The following DLG2 variants were observed in gnomAD, a reference collection of about 807,000 sequenced individuals.
DLG2 encodes the protein discs large MAGUK scaffold protein 2.
DLG2 carries 45 observed loss-of-function variants against 132.5 expected under a neutral mutation model. The observed-to-expected ratio is 0.34, with a 90% CI of 0.27 to 0.44. The LOEUF (loss-of-function observed/expected upper bound fraction) is 0.44, where lower values mean the gene tolerates loss of function less well. Among genes scored for constraint, DLG2 ranks in the 20% least tolerant of loss-of-function variants. DLG2 has a pLI of 1.00. For missense variants in DLG2, 1,045 were observed against 1,196.9 expected (o/e 0.87, Z 1.87); for synonymous variants, 424 against 419.6 (o/e 1.01, Z -0.13).
At chr11:85,553,938 G>T (rs920489740) in intron 3 of DLG2, among the ~76,000 whole-genome samples, 11 of 151,034 alleles carry the variant, frequency 7.3e-5, no homozygotes, top group Admixed American at 2.0e-4. Flanking sequence ...ATTTTATATG[G>T]ATATACAGAA....
chr11:84,000,824 C>G (rs543118032), intron 11 of DLG2, among the ~76,000 whole-genome samples: 1 of 152,180 alleles, frequency 6.6e-6, no homozygotes, highest in East Asian at 1.9e-4. Context: ...AGAAATTCAA[C>G]ACCACTAGAC....
At chr11:85,352,181 T>C (rs2083342692) in intron 3 of DLG2, among the ~76,000 whole-genome samples, 1 of 152,256 alleles carries the variant, frequency 6.6e-6, no homozygotes, top group African/African-American at 2.4e-5. Flanking sequence ...TTCTAGATTT[T>C]CTAGTTTATT....
intron 6 of DLG2, among the ~76,000 whole-genome samples, chr11:84,646,461 T>A (rs1390820423): frequency 6.6e-6 from 1 of 152,092 alleles, no homozygotes; most frequent in Admixed American, 6.5e-5. Flanking sequence ...TTTAATTCTT[T>A]GGCATTTACT....
intron 17 of DLG2, among the ~76,000 whole-genome samples, chr11:83,806,860 C>T (rs911481782): frequency 3.3e-5 from 5 of 152,118 alleles, no homozygotes; most frequent in African/African-American, 9.7e-5. Flanking sequence ...ACGATGTAAA[C>T]TAGAAAAGAA....
intron 4 of DLG2, among the ~76,000 whole-genome samples, chr11:85,261,564 A>T (rs1595779549): frequency 6.6e-6 from 1 of 152,092 alleles, no homozygotes; most frequent in South Asian, 2.1e-4. Flanking sequence ...AGGATATTGG[A>T]TCTTGCGGGA....
chr11:83,750,774 T>C (rs2093252379), intron 18 of DLG2, among the ~76,000 whole-genome samples: 1 of 152,196 alleles, frequency 6.6e-6, no homozygotes, highest in African/African-American at 2.4e-5. Context: ...CTAAATATGA[T>C]TATTTTTTCA....
intron 3 of DLG2, among the ~76,000 whole-genome samples, chr11:85,498,606 C>G (rs1052516257): frequency 2.0e-5 from 3 of 152,166 alleles, no homozygotes; most frequent in Non-Finnish European, 4.4e-5. Context: ...GAACTCCCCA[C>G]CCCAAATCAA....
At chr11:83,600,281 T>C (rs986745221) in intron 19 of DLG2, among the ~76,000 whole-genome samples, 9 of 135,482 alleles carry the variant, frequency 6.6e-5, no homozygotes, top group African/African-American at 2.6e-4. Flanking sequence ...GACATTCAAT[T>C]CCAGGTCTGT....
chr11:84,557,167 T>C (rs1259303003), intron 6 of DLG2, among the ~76,000 whole-genome samples: 1 of 152,208 alleles, frequency 6.6e-6, no homozygotes, highest in East Asian at 1.9e-4. Flanking sequence ...GAAGGAATTT[T>C]GTAGTTGTGG....
intron 6 of DLG2, among the ~76,000 whole-genome samples, chr11:84,598,082 A>C (rs1259157463): frequency 6.6e-6 from 1 of 152,216 alleles, no homozygotes; most frequent in Non-Finnish European, 1.5e-5. Context: ...CCAAAGTTGC[A>C]GAGTAACAAG....
chr11:85,226,252 A>G (rs1480518690), intron 4 of DLG2, among the ~76,000 whole-genome samples: 1 of 150,882 alleles, frequency 6.6e-6, no homozygotes, highest in Non-Finnish European at 1.5e-5. Flanking sequence ...ATGTGGGTGG[A>G]TGGATGGATG....
At chr11:85,380,750 T>G (rs997192820) in intron 3 of DLG2, among the ~76,000 whole-genome samples, 1 of 152,200 alleles carries the variant, frequency 6.6e-6, no homozygotes, top group African/African-American at 2.4e-5. Context: ...AAATTGGATT[T>G]GCACATTGAA....
chr11:84,346,050 G>A (rs903225949), intron 7 of DLG2, among the ~76,000 whole-genome samples: 1 of 152,102 alleles, frequency 6.6e-6, no homozygotes, highest in East Asian at 1.9e-4. Context: ...TCAGAAACCT[G>A]TAGTATTTTA....
chr11:84,804,797 G>A (rs564682988), intron 6 of DLG2, among the ~76,000 whole-genome samples: 2 of 152,296 alleles, frequency 1.3e-5, no homozygotes, highest in South Asian at 4.1e-4. Context: ...AGAGCCTGGA[G>A]TTGTACCCTT....
At chr11:85,571,704 A>G (rs2077851198) in intron 3 of DLG2, among the ~76,000 whole-genome samples, 1 of 152,220 alleles carries the variant, frequency 6.6e-6, no homozygotes, top group African/African-American at 2.4e-5. Context: ...GTATCTTATT[A>G]CGCAGCTTCT....
chr11:83,763,087 G>T (rs143403562), intron 18 of DLG2, among the ~76,000 whole-genome samples: 9 of 152,286 alleles, frequency 5.9e-5, no homozygotes, highest in African/African-American at 1.7e-4. Context: ...CCTTTTGCTA[G>T]CTTGGGACAT....
chr11:85,158,343 A>G (rs2077748258), intron 4 of DLG2, among the ~76,000 whole-genome samples: 1 of 152,128 alleles, frequency 6.6e-6, no homozygotes, highest in Admixed American at 6.5e-5. Context: ...TTGTTTGTTT[A>G]GCTGAAATAT....
At chr11:84,829,811 AG>A (rs750989995) in intron 6 of DLG2, among the ~76,000 whole-genome samples, 40 of 151,814 alleles carry the variant, frequency 2.6e-4, no homozygotes, top group Admixed American at 1.1e-3. Context: ...TTATGGAAAA[AG>A]TGATCACATT....
intron 3 of DLG2, among the ~76,000 whole-genome samples, chr11:85,535,970 C>A (rs1465612175): frequency 3.9e-5 from 6 of 152,054 alleles, no homozygotes; most frequent in Non-Finnish European, 2.9e-5. Flanking sequence ...AATCCCAGCA[C>A]TTTGGGAGGC....
Sources: allele counts gnomAD v4.1 joint callset (sites outside exome capture counted in the v4.1 genomes callset), GRCh38; gene constraint gnomAD v4.1.1; transcripts MANE v1.5; gene names NCBI Gene and HGNC (gene_info 2026-07-23, HGNC 2026-07-21).